The following MYO10 variants were observed in gnomAD, a reference collection of about 807,000 sequenced individuals.
The protein encoded by MYO10 is myosin X.
In MYO10, 133 loss-of-function variants were observed where a neutral mutation model predicts 257.3. That is an observed-to-expected ratio of 0.52 (90% CI 0.45 to 0.60). The LOEUF (loss-of-function observed/expected upper bound fraction) is 0.60, where lower values mean the gene tolerates loss of function less well. MYO10 is among the 20% of genes least tolerant of loss of function. MYO10 has a pLI of 0.00. For synonymous variants in MYO10, 1,104 were observed against 1,028.6 expected (o/e 1.07, Z -1.40); for missense variants, 2,399 against 2,635.7 (o/e 0.91, Z 1.97).
intron 20 of MYO10, 21 bp downstream of exon 20, chr5:16,711,100 T>G: frequency 6.2e-7 from 1 of 1,613,520 alleles, no homozygotes; most frequent in Non-Finnish European, 8.5e-7. Flanking sequence ...AGAAAGAGAA[T>G]CCAATTCAGC....
intron 1 of MYO10, among the ~76,000 whole-genome samples, chr5:16,926,894 A>G (rs1746147995): frequency 6.6e-6 from 1 of 152,218 alleles, no homozygotes; most frequent in African/African-American, 2.4e-5. Flanking sequence ...TACTCATGAA[A>G]CATCAACAGA....
intron 35 of MYO10, 96 bp from the exon 36 acceptor site, chr5:16,673,985 G>A (rs1736601376): frequency 9.4e-7 from 1 of 1,058,538 alleles, no homozygotes; most frequent in South Asian, 1.4e-5. Context: ...CCAAAGCAGT[G>A]AATGGTCCCC....
intron 34 of MYO10, 109 bp downstream of exon 34, chr5:16,675,922 A>C: frequency 7.6e-7 from 1 of 1,316,852 alleles, no homozygotes; most frequent in Non-Finnish European, 1.0e-6. Context: ...TTCACGACGA[A>C]TAAGAGAGTC....
intron 34 of MYO10, among the ~76,000 whole-genome samples, chr5:16,675,802 C>G (rs561020745): frequency 5.6e-4 from 85 of 152,300 alleles, no homozygotes; most frequent in African/African-American, 2.0e-3. Flanking sequence ...TTTCTGACTC[C>G]TTTAAATCTC....
At chr5:16,778,576 G>A (rs1158009731) in intron 9 of MYO10, among the ~76,000 whole-genome samples, 1 of 152,094 alleles carries the variant, frequency 6.6e-6, no homozygotes, top group Non-Finnish European at 1.5e-5. Flanking sequence ...TGGGGCCACG[G>A]GGAATTCTTC....
intron 3 of MYO10, among the ~76,000 whole-genome samples, chr5:16,806,782 T>C (rs1473030275): frequency 6.6e-6 from 1 of 151,912 alleles, no homozygotes; most frequent in African/African-American, 2.4e-5. Flanking sequence ...CTAAACAGCA[T>C]GGTTTGGTCA....
chr5:16,793,725 T>A (rs112013193), intron 4 of MYO10, among the ~76,000 whole-genome samples: 9 of 150,854 alleles, frequency 6.0e-5, no homozygotes, highest in Non-Finnish European at 1.2e-4. Flanking sequence ...AGGTCGGGAG[T>A]TTAAGACCAG....
At chr5:16,827,601 A>G (rs1006058839) in intron 2 of MYO10, among the ~76,000 whole-genome samples, 1 of 152,150 alleles carries the variant, frequency 6.6e-6, no homozygotes, top group African/African-American at 2.4e-5. Context: ...TTATCTTTAT[A>G]TACGTAACTC....
chr5:16,843,305 A>G (rs1396568238), intron 2 of MYO10, among the ~76,000 whole-genome samples: 1 of 152,208 alleles, frequency 6.6e-6, no homozygotes, highest in Non-Finnish European at 1.5e-5. Context: ...TGTGTATGCA[A>G]ATGTCTATAT....
chr5:16,765,907 T>C (rs1402102845), intron 11 of MYO10, among the ~76,000 whole-genome samples, 173 bp downstream of exon 11: 1 of 152,254 alleles, frequency 6.6e-6, no homozygotes, highest in Non-Finnish European at 1.5e-5. Flanking sequence ...TAGCTTTGTC[T>C]ATTCCCAATC....
rs1010247978 is a variant in MYO10 at position 16,934,416 on chromosome 5, T to C, written c.21+1372A>G. Among the ~76,000 whole-genome samples, 12 of 152,272 alleles carry C rather than the reference T, an allele frequency of 7.9e-5. 2 individuals are homozygous for C. The highest frequency in any genetic ancestry group is 7.9e-4 in the Admixed American group (12 of 15,280). ...TGCCCTAGGGGCAGGGCCTCCGTTT[T>C]CTTACAGATGCAAGCAATTAAACAC... On this transcript the variant is annotated intron_variant, in intron 1 of 40. Coordinates refer to ENST00000513610, the MANE Select transcript of MYO10 (RefSeq NM_012334.3).
chr5:16,693,148 G>C (rs937537296), intron 27 of MYO10, among the ~76,000 whole-genome samples: 2 of 152,160 alleles, frequency 1.3e-5, no homozygotes, highest in Non-Finnish European at 2.9e-5. Context: ...CACACCTATA[G>C]TCCCAACAAC....
chr5:16,860,526 A>T (rs1274214112), intron 2 of MYO10, among the ~76,000 whole-genome samples: 3 of 152,198 alleles, frequency 2.0e-5, no homozygotes, highest in Admixed American at 2.0e-4. Context: ...TTTTTAACAA[A>T]GGCCCCAGTG....
intron 2 of MYO10, among the ~76,000 whole-genome samples, chr5:16,830,608 C>T (rs763315181): frequency 6.6e-6 from 1 of 151,426 alleles, no homozygotes; most frequent in Non-Finnish European, 1.5e-5. Flanking sequence ...TGGAGTTATA[C>T]TAAAATGAAT....
Position 16,680,557 on chromosome 5 carries a change from G to A in MYO10, c.4385-453C>T, listed in dbSNP as rs116282196. 3.4e-3 allele frequency among the ~76,000 whole-genome samples: 517 copies of A among 152,166 alleles called. 1 individual carries two copies. Among genetic ancestry groups the A allele is most frequent in the African/African-American group, 0.01 (433 of 41,488 alleles). Reference sequence around the variant, plus strand: ...GTGTGAGTTCAGAGGCAAGCTGTCCGAACCGTCACCCAAACCTGACGCGAA... The same window carrying A: ...GTGTGAGTTCAGAGGCAAGCTGTCCAAACCGTCACCCAAACCTGACGCGAA... On this transcript the variant is annotated intron_variant, in intron 32 of 40. Coordinates refer to ENST00000513610, the MANE Select transcript of MYO10 (RefSeq NM_012334.3).
At chr5:16,769,631 C>T (rs369572271) in intron 9 of MYO10, among the ~76,000 whole-genome samples, 17 of 150,944 alleles carry the variant, frequency 1.1e-4, no homozygotes, top group African/African-American at 3.9e-4. Flanking sequence ...TGAGCCACCG[C>T]GCCCGCCCAA....
At chr5:16,835,151 T>C (rs1743273429) in intron 2 of MYO10, among the ~76,000 whole-genome samples, 2 of 151,576 alleles carry the variant, frequency 1.3e-5, no homozygotes, top group South Asian at 2.1e-4. Context: ...TACTCCAGCA[T>C]GGGCGACAGA....
chr5:16,779,727 G>GTA (rs1224123911), intron 8 of MYO10, 79 bp from the exon 9 acceptor site: 35 of 777,376 alleles, frequency 4.5e-5, no homozygotes, highest in Middle Eastern at 2.9e-4. Context: ...ACTTTTTAAA[G>GTA]TATATATATA....
At chr5:16,670,481 A>AT (rs747188619) in intron 39 of MYO10, 45 bp downstream of exon 39, 1 of 1,508,346 alleles carries the variant, frequency 6.6e-7, no homozygotes. Context: ...ATGTTCTCAG[A>AT]TGCCAGCACC....
Sources: allele counts gnomAD v4.1 joint callset (sites outside exome capture counted in the v4.1 genomes callset), GRCh38; gene constraint gnomAD v4.1.1; transcripts MANE v1.5; gene names NCBI Gene and HGNC (gene_info 2026-07-23, HGNC 2026-07-21).